The following CDH15 variants were observed in gnomAD, a reference collection of about 807,000 sequenced individuals.
The protein encoded by CDH15 is cadherin-15.
CDH15 carries 73 observed loss-of-function variants against 69.4 expected under a neutral mutation model. That is an observed-to-expected ratio of 1.05 (90% CI 0.87 to 1.28). CDH15 has a LOEUF of 1.28. Ranked by LOEUF, CDH15 falls within the 50% of genes most tolerant of loss-of-function variation. The pLI is 0.00. For missense variants in CDH15, 1,343 were observed against 1,133.6 expected (o/e 1.18, Z -2.65); for synonymous variants, 624 against 507.7 (o/e 1.23, Z -3.08).
intron 1 of CDH15, among the ~76,000 whole-genome samples, chr16:89,173,527 G>A (rs564260064): frequency 7.2e-5 from 11 of 152,284 alleles, no homozygotes; most frequent in African/African-American, 2.6e-4. Flanking sequence ...GGAGGTGGGG[G>A]CCAGATGGCA....
In CDH15 at chr16:89,174,338, G is replaced by T. The variant is rs113700773; in HGVS notation, c.42+2465G>T. 4.2e-3 allele frequency among the ~76,000 whole-genome samples: 636 copies of T among 152,184 alleles called. 5 individuals are homozygous for T. Among genetic ancestry groups the T allele is most frequent in the African/African-American group, 0.014 (589 of 41,502 alleles). On this transcript the variant is annotated intron_variant, in intron 1 of 13. Transcript: ENST00000289746. ...AGCCTGAGAAGCTTGAGGGGCCTTC[G>T]CACTCTCTTCCCAGGCAAACCCACC...
At chr16:89,178,482 G>A (rs923990802) in intron 1 of CDH15, among the ~76,000 whole-genome samples, 2 of 152,144 alleles carry the variant, frequency 1.3e-5, no homozygotes, top group African/African-American at 4.8e-5. Flanking sequence ...GAGAAGAAGA[G>A]TGAGGCTGGG....
At chr16:89,192,069 G>A in intron 10 of CDH15, 136 bp from the exon 11 acceptor site, 1 of 1,174,324 alleles carries the variant, frequency 8.5e-7, no homozygotes, top group Non-Finnish European at 1.2e-6. Context: ...GTTACTCATT[G>A]TGCCCAGAGG....
In CDH15 at chr16:89,179,541, G is replaced by A. The variant is rs1272246840; in HGVS notation, c.168G>A (p.Glu56=). 1.2e-6 allele frequency: 2 copies of A among 1,610,080 alleles called. No individual in the cohort carries two copies. Among genetic ancestry groups the A allele is most frequent in the Admixed American group, 1.7e-5 (1 of 59,662 alleles). The change falls in exon 2 of 14, where the codon GAG becomes GAA. Residue 56 remains glutamate (E), a synonymous_variant. Transcript: ENST00000289746. ...AWVIPPISVS[E]NHKRLPYPLV... is the part of the protein sequence containing the mutation. ...TCATCCCCCCGATCAGCGTATCCGA[G>A]AACCACAAGCGTCTCCCCTACCCCC...
intron 5 of CDH15, chr16:89,185,934 A>G (rs569391952): frequency 6.0e-6 from 1 of 167,824 alleles, no homozygotes; most frequent in South Asian, 1.3e-4. Context: ...TATCCAGCAC[A>G]CAGTAGGTGC....
intron 4 of CDH15, among the ~76,000 whole-genome samples, chr16:89,184,492 C>T (rs934074820): frequency 5.3e-5 from 8 of 152,188 alleles, no homozygotes; most frequent in African/African-American, 1.7e-4. Context: ...GCGGCACCTT[C>T]GTGAGTACCG....
At chr16:89,181,514 G>A (rs569002656) in intron 3 of CDH15, among the ~76,000 whole-genome samples, 6 of 152,330 alleles carry the variant, frequency 3.9e-5, no homozygotes, top group South Asian at 2.1e-4. Flanking sequence ...GTGTTGCTGC[G>A]TGCCTGTGGT....
At chr16:89,178,983 C>T (rs1036647372) in intron 1 of CDH15, among the ~76,000 whole-genome samples, 3 of 152,204 alleles carry the variant, frequency 2.0e-5, no homozygotes, top group Admixed American at 6.5e-5. Context: ...CCGTGTGCAC[C>T]GCTACCCTGG....
chr16:89,195,260 G>A lies in CDH15; in HGVS notation c.*105G>A. On this transcript the variant is annotated 3_prime_UTR_variant, in exon 14 of 14. Coordinates refer to ENST00000289746, the MANE Select transcript of CDH15 (RefSeq NM_004933.3). Reference sequence around the variant, plus strand: ...GCCCGACCCCCCTGGGCCTGGGGCAGCCTCCTTCCTGTAGGCGAGGGCCCA... The same window carrying A: ...GCCCGACCCCCCTGGGCCTGGGGCAACCTCCTTCCTGTAGGCGAGGGCCCA... The A allele has an allele frequency of 1.6e-6, 2 of 1,248,696 alleles. No homozygotes were observed. Among genetic ancestry groups the A allele is most frequent in the Non-Finnish European group, 2.2e-6 (2 of 929,096 alleles). The allele number at this position is 1,248,696 out of a possible 1,614,324, so 77.4% of individuals were successfully genotyped here. A position where few individuals can be genotyped will look rare whatever the true frequency, so the allele number is the denominator to read the frequency against.
At position 89,183,552 on chromosome 16, in the gene CDH15, G is replaced by A. The variant is rs761243807; in HGVS notation, c.362G>A (p.Arg121Lys). 1.2e-6 allele frequency: 2 copies of A among 1,614,146 alleles called. No homozygotes were observed. The highest frequency in any genetic ancestry group is 1.7e-6 in the Non-Finnish European group (2 of 1,180,048). Residue 121 changes from arginine (R) to lysine (K), a missense_variant, in exon 4 of 14, where the codon AGA (arginine) becomes AAA (lysine). Arg to Lys is a conservative substitution (Grantham distance 26, BLOSUM62 2). Coordinates refer to ENST00000289746, the MANE Select transcript of CDH15 (RefSeq NM_004933.3). Reference sequence around the variant, plus strand: ...CCTTGCTCTATGTTTGAACAGCTAAGAGCGTTTGCCCTGGACCTGGGAGGA... The same window carrying A: ...CCTTGCTCTATGTTTGAACAGCTAAAAGCGTTTGCCCTGGACCTGGGAGGA... ...DREKTDRFRL[R>K]AFALDLGGST...
At chr16:89,185,512 G>C (rs770759543) in intron 5 of CDH15, 179 bp downstream of exon 5, 1 of 772,590 alleles carries the variant, frequency 1.3e-6, no homozygotes, top group South Asian at 1.5e-5. Flanking sequence ...TGCGCAGACA[G>C]GAGCCGCGCT....
chr16:89,193,692 C>T, intron 12 of CDH15, 63 bp from the exon 13 acceptor site: 2 of 1,575,410 alleles, frequency 1.3e-6, no homozygotes, highest in Admixed American at 1.8e-5. Flanking sequence ...GGAGCCTGTA[C>T]CTGAGACCTC....
At chr16:89,187,835 C>T (rs191409340) in intron 6 of CDH15, among the ~76,000 whole-genome samples, 7 of 152,306 alleles carry the variant, frequency 4.6e-5, no homozygotes, top group Admixed American at 3.9e-4. Context: ...AGTCTCCCTC[C>T]GGCCTTTGCT....
In CDH15 at chr16:89,192,275, G is replaced by A. The variant is rs1915666308; in HGVS notation, c.1686G>A (p.Arg562=). 6.5e-7 allele frequency: 1 copy of A among 1,531,182 alleles called. No individual in the cohort carries two copies. The highest frequency in any genetic ancestry group is 8.7e-7 in the Non-Finnish European group (1 of 1,145,338). The allele number at this position is 1,531,182 out of a possible 1,614,324, so 94.8% of individuals were successfully genotyped here. The change falls in exon 11 of 14, where the codon CGG becomes CGA. Residue 562 remains arginine, a synonymous_variant. Transcript: ENST00000289746. ...TGCACCGCCTCAGCCTGCTGCTCCGGGACTCGGGGCAGCCGCCCCAGCAGC... is the reference window on the plus strand; with the variant it reads ...TGCACCGCCTCAGCCTGCTGCTCCGAGACTCGGGGCAGCCGCCCCAGCAGC... ...EGLHRLSLLL[R]DSGQPPQQRE... is the part of the protein sequence containing the mutation.
chr16:89,191,976 G>A (rs2151604316), intron 10 of CDH15, 82 bp downstream of exon 10: 2 of 1,371,070 alleles, frequency 1.5e-6, no homozygotes, highest in East Asian at 2.5e-5. Context: ...GGGGCAGGAG[G>A]GTGAGGGGCA....
intron 11 of CDH15, 63 bp downstream of exon 11, chr16:89,192,507 C>A (rs1597312840): frequency 2.0e-6 from 3 of 1,536,898 alleles, no homozygotes; most frequent in East Asian, 2.4e-5. Flanking sequence ...CCCAGGCCGT[C>A]CCCTGCTAAC....
At position 89,178,464 on chromosome 16, in the gene CDH15, T is replaced by C. The variant is rs1168394565; in HGVS notation, c.43-952T>C. Among the ~76,000 whole-genome samples the C allele has an allele frequency of 2.6e-5, 4 of 152,250 alleles. No individual in the cohort carries two copies. The East Asian group carries it at 7.7e-4, about 29-fold the overall frequency. On this transcript the variant is annotated intron_variant, in intron 1 of 13. Coordinates refer to ENST00000289746, the MANE Select transcript of CDH15 (RefSeq NM_004933.3). The stretch of plus-strand genomic sequence containing the variant: ...AGATGAAGATTTTACCGAGGTACCC[T>C]GTTCTGGGAGAAGAAGAGTGAGGCT...
intron 4 of CDH15, 38 bp downstream of exon 4, chr16:89,183,730 C>T: frequency 6.4e-7 from 1 of 1,558,344 alleles, no homozygotes; most frequent in Non-Finnish European, 8.7e-7. Context: ...GGAGGGGCTG[C>T]AAGGAAGGGC....
At chr16:89,172,936 G>A (rs1915187167) in intron 1 of CDH15, among the ~76,000 whole-genome samples, 1 of 152,138 alleles carries the variant, frequency 6.6e-6, no homozygotes, top group Admixed American at 6.5e-5. Context: ...GTGAGTAAGG[G>A]AAGCCACTCC....
Sources: allele counts gnomAD v4.1 joint callset (sites outside exome capture counted in the v4.1 genomes callset), GRCh38; gene constraint gnomAD v4.1.1; transcripts MANE v1.5; gene names NCBI Gene and HGNC (gene_info 2026-07-23, HGNC 2026-07-21).